Variants in FHIT observed in about 807,000 individuals in gnomAD.
FHIT encodes the protein fragile histidine triad diadenosine triphosphatase.
A neutral mutation model predicts 17.9 loss-of-function variants in FHIT; 19 were observed. The ratio of observed to expected loss-of-function variants is 1.06; its 90% CI spans 0.74 to 1.56. The LOEUF is 1.56. Ranked by LOEUF, FHIT falls within the 40% of genes most tolerant of loss-of-function variation. The probability of loss-of-function intolerance (pLI) is 0.00; values close to 1 mark genes in which losing one functional copy is unlikely to be tolerated. For synonymous variants in FHIT, 81 were observed against 69.7 expected, an observed-to-expected ratio of 1.16 and a Z score of -0.81; for missense variants, 248 against 189.2, an observed-to-expected ratio of 1.31 and a Z score of -1.82.
At position 60,038,927 on chromosome 3, in the gene FHIT, G is replaced by A. The variant is rs533951325; in HGVS notation, c.104-24775C>T. Among the ~76,000 whole-genome samples the A allele has an allele frequency of 1.8e-4, 28 of 152,156 alleles. No homozygotes were observed. The South Asian group carries it at 4.8e-3, about 26-fold the overall frequency. ...CCTAAAACTAAGTGACTTAAATAACGGTCATTATGTACTGCCTCTTATGGT... is the reference window on the plus strand; with the variant it reads ...CCTAAAACTAAGTGACTTAAATAACAGTCATTATGTACTGCCTCTTATGGT... On this transcript the variant is annotated intron_variant, in intron 5 of 9. Coordinates refer to ENST00000492590, the MANE Select transcript of FHIT (RefSeq NM_002012.4).
chr3:60,544,856 C>T (rs1195264473), intron 4 of FHIT, among the ~76,000 whole-genome samples: 1 of 152,122 alleles, frequency 6.6e-6, no homozygotes, highest in Non-Finnish European at 1.5e-5. Context: ...CTCAGCCTCC[C>T]AAAGTGCTGG....
At chr3:61,102,830 T>C (rs1228378662) in intron 2 of FHIT, among the ~76,000 whole-genome samples, 2 of 152,200 alleles carry the variant, frequency 1.3e-5, no homozygotes, top group Non-Finnish European at 2.9e-5. Flanking sequence ...GATTTTCTAG[T>C]TTATTTGCAT....
chr3:60,120,305 A>C (rs1254653142), intron 5 of FHIT, among the ~76,000 whole-genome samples: 2 of 152,222 alleles, frequency 1.3e-5, no homozygotes, highest in Non-Finnish European at 2.9e-5. Context: ...TGCACGTAGT[A>C]GTTATTTGCT....
intron 8 of FHIT, among the ~76,000 whole-genome samples, chr3:59,904,066 T>C (rs1704463502): frequency 6.6e-6 from 1 of 150,850 alleles, no homozygotes. Context: ...TGGCTACTTC[T>C]TTTTTTTTCT....
intron 1 of FHIT, among the ~76,000 whole-genome samples, chr3:61,204,264 C>G (rs771810630): frequency 6.6e-6 from 1 of 151,996 alleles, no homozygotes; most frequent in African/African-American, 2.4e-5. Context: ...AGATGGAATA[C>G]GTGAGAGGAA....
intron 3 of FHIT, among the ~76,000 whole-genome samples, chr3:61,025,092 A>G (rs772000626): frequency 2.0e-5 from 3 of 152,198 alleles, no homozygotes; most frequent in Non-Finnish European, 4.4e-5. Context: ...CCTTAAACAG[A>G]AAAATGACCA....
At chr3:61,077,427 C>T (rs1475023591) in intron 2 of FHIT, among the ~76,000 whole-genome samples, 1 of 151,838 alleles carries the variant, frequency 6.6e-6, no homozygotes, top group African/African-American at 2.4e-5. Context: ...GGTAATTTGG[C>T]ACCACTTTGC....
chr3:60,261,760 T>C (rs1244090472), intron 5 of FHIT, among the ~76,000 whole-genome samples: 1 of 150,774 alleles, frequency 6.6e-6, no homozygotes, highest in Non-Finnish European at 1.5e-5. Flanking sequence ...TCTTGGACCT[T>C]CTTCCTGCCC....
intron 3 of FHIT, among the ~76,000 whole-genome samples, chr3:60,958,986 G>C (rs1709292959): frequency 6.6e-6 from 1 of 152,186 alleles, no homozygotes; most frequent in African/African-American, 2.4e-5. Context: ...CACTTGCCAA[G>C]GTGAATTCCA....
chr3:61,075,234 G>A (rs1370820560), intron 2 of FHIT, among the ~76,000 whole-genome samples: 1 of 152,118 alleles, frequency 6.6e-6, no homozygotes, highest in African/African-American at 2.4e-5. Context: ...TGTCGCATCT[G>A]GAGCTGCAGA....
At chr3:60,436,502 C>G (rs74343014) in intron 5 of FHIT, among the ~76,000 whole-genome samples, 1 of 152,134 alleles carries the variant, frequency 6.6e-6, no homozygotes, top group African/African-American at 2.4e-5. Flanking sequence ...AACAGACCAA[C>G]AGAAGCTCTA....
intron 5 of FHIT, among the ~76,000 whole-genome samples, chr3:60,031,899 G>A (rs898680676): frequency 1.3e-5 from 2 of 152,114 alleles, no homozygotes; most frequent in Non-Finnish European, 2.9e-5. Flanking sequence ...TGTAGGCAAT[G>A]AACCACTGTA....
intron 7 of FHIT, among the ~76,000 whole-genome samples, chr3:59,996,421 G>C (rs1699513720): frequency 6.6e-6 from 1 of 152,164 alleles, no homozygotes; most frequent in African/African-American, 2.4e-5. Flanking sequence ...GGGAAATTCA[G>C]TCTAGCAGTC....
At chr3:60,954,077 C>T (rs1272171538) in intron 3 of FHIT, among the ~76,000 whole-genome samples, 3 of 152,150 alleles carry the variant, frequency 2.0e-5, no homozygotes, top group Non-Finnish European at 4.4e-5. Context: ...TATTAAGTCT[C>T]ACCACTGCCA....
intron 3 of FHIT, among the ~76,000 whole-genome samples, chr3:60,833,359 A>T (rs1702403345): frequency 6.6e-6 from 1 of 152,244 alleles, no homozygotes. Context: ...GTTATTTGTC[A>T]TTCTTTCAAT....
intron 5 of FHIT, among the ~76,000 whole-genome samples, chr3:60,444,944 GC>G (rs572991089): frequency 4.2e-4 from 64 of 152,072 alleles, no homozygotes; most frequent in African/African-American, 1.5e-3. Flanking sequence ...CAATTTTCTG[GC>G]TGAGGAGAAA....
At chr3:59,971,957 G>C (rs964316626) in intron 7 of FHIT, among the ~76,000 whole-genome samples, 1 of 152,150 alleles carries the variant, frequency 6.6e-6, no homozygotes, top group South Asian at 2.1e-4. Context: ...TAGTTTCCAA[G>C]TTATAAGGGT....
At chr3:60,006,094 G>T in intron 7 of FHIT, among the ~76,000 whole-genome samples, 1 of 152,034 alleles carries the variant, frequency 6.6e-6, no homozygotes, top group East Asian at 1.9e-4. Flanking sequence ...CCTTCTTCAG[G>T]TAACTGTGAA....
chr3:60,163,855 A>G (rs1326427025), intron 5 of FHIT, among the ~76,000 whole-genome samples: 1 of 152,152 alleles, frequency 6.6e-6, no homozygotes, highest in Non-Finnish European at 1.5e-5. Context: ...GTTGGGAAAC[A>G]CTGATCTATT....
Sources: gnomAD v4.1 joint callset for allele counts (sites outside exome capture counted in the v4.1 genomes callset) on GRCh38, gnomAD v4.1.1 for gene constraint, MANE v1.5 for transcripts, NCBI Gene and HGNC (gene_info 2026-07-23, HGNC 2026-07-21) for gene names.